Variants in C22orf23 observed in about 807,000 individuals in gnomAD.
The protein encoded by C22orf23 is UPF0193 protein EVG1.
In C22orf23, 30 loss-of-function variants were observed where a neutral mutation model predicts 29.7. The observed-to-expected ratio is 1.01, with a 90% CI of 0.76 to 1.37. The LOEUF is 1.37. Among genes scored for constraint, C22orf23 ranks in the 40% most tolerant of loss-of-function variants. The pLI, the probability that C22orf23 is intolerant of heterozygous loss-of-function variation, is 0.00. For synonymous variants in C22orf23, 90 were observed against 96.1 expected, an observed-to-expected ratio of 0.94 and a Z score of 0.37; for missense variants, 237 against 273.1, an observed-to-expected ratio of 0.87 and a Z score of 0.93.
At position 37,947,364 on chromosome 22, in the gene C22orf23, G is replaced by T. The variant is rs768389264; in HGVS notation, c.266C>A (p.Ala89Glu). 1 of 1,613,962 alleles carries T rather than the reference G, an allele frequency of 6.2e-7. No homozygotes were observed. The highest frequency in any genetic ancestry group is 1.3e-5 in the African/African-American group (1 of 74,964). The change falls in exon 4 of 7, where the codon GCA (alanine) becomes GAA (glutamate). Residue 89 changes from alanine (A) to glutamate (E), a missense_variant. Transcript: ENST00000403305. ...ASPIYLPPIL[A>E]ARPHLRPANM... ...GGCAGGCCGGAGGTGGGGACGGGCT[G>T]CGAGGATGGGAGGCAGGTAGATGGG...
chr22:37,943,342 G>A lies in C22orf23; in HGVS notation c.*833C>T, dbSNP rs953275903. 2 of 152,164 alleles carry A rather than the reference G, an allele frequency of 1.3e-5. No individual in the cohort carries two copies. Among genetic ancestry groups the A allele is most frequent in the Admixed American group, 6.6e-5 (1 of 15,258 alleles). 9.4% of individuals were successfully genotyped at this position (152,164 alleles called of 1,614,324 possible). On this transcript the variant is annotated 3_prime_UTR_variant, in exon 7 of 7. Transcript: ENST00000403305. ...AGAAAGGTCACGCGGCACATGCAGG[G>A]ATTGGAACTCCCAGGCCAGGGCTCT...
chr22:37,953,514 C>CT lies in C22orf23; in HGVS notation c.-77dup. ...GGGCTCCCGGAGGCGGTGACCACTG[C>CT]TTTACAGCCGCATCCGCACCGGTGC... On this transcript the variant is annotated 5_prime_UTR_variant, in exon 1 of 7. Coordinates refer to ENST00000403305, the MANE Select transcript of C22orf23 (RefSeq NM_032561.5). The CT allele has an allele frequency of 1.8e-6, 1 of 565,008 alleles. No individual in the cohort carries two copies. The allele number at this position is 565,008 out of a possible 1,614,324, so 35.0% of individuals were successfully genotyped here.
intron 3 of C22orf23, among the ~76,000 whole-genome samples, chr22:37,950,279 A>G (rs1159691778): frequency 6.6e-6 from 1 of 150,772 alleles, no homozygotes; most frequent in African/African-American, 2.4e-5. Flanking sequence ...TGCCCAGCTA[A>G]TTTTTGTATT....
intron 2 of C22orf23, chr22:37,952,621 A>G (rs1407383177): frequency 2.0e-5 from 3 of 152,630 alleles, no homozygotes; most frequent in Non-Finnish European, 4.4e-5. Context: ...GTAAAGGAAA[A>G]TAGTGCTAAG....
intron 4 of C22orf23, among the ~76,000 whole-genome samples, chr22:37,945,655 AT>A (rs1364254314): frequency 6.7e-6 from 1 of 149,962 alleles, no homozygotes; most frequent in East Asian, 2.0e-4. Context: ...TGCCCAGCTA[AT>A]TTTTGTATTT....
chr22:37,952,845 G>A (rs2145718789), intron 2 of C22orf23: 1 of 501,600 alleles, frequency 2.0e-6, no homozygotes, highest in Non-Finnish European at 3.6e-6. Context: ...TCTCATAGGA[G>A]CGCGAACCCT....
Position 37,944,016 on chromosome 22 carries a change from C to T in C22orf23, c.*159G>A. The T allele has an allele frequency of 1.4e-6, 1 of 693,510 alleles. No homozygotes were observed. The allele number at this position is 693,510 out of a possible 1,614,324, so 43.0% of individuals were successfully genotyped here. On this transcript the variant is annotated 3_prime_UTR_variant, in exon 7 of 7. Coordinates refer to ENST00000403305, the MANE Select transcript of C22orf23 (RefSeq NM_032561.5). ...TCTGCATTCCGGGGCAGGGGCTAGG[C>T]TGCTGAGTATGCCTTGGGGTACTGC...
Position 37,947,329 on chromosome 22 carries a change from G to C in C22orf23, c.301C>G (p.Gln101Glu). The C allele has an allele frequency of 1.2e-6, 2 of 1,613,924 alleles. No individual in the cohort carries two copies. Among genetic ancestry groups the C allele is most frequent in the Non-Finnish European group, 8.5e-7 (1 of 1,180,010 alleles). The change falls in exon 4 of 7, where the codon CAA becomes GAA. Residue 101 changes from glutamine to glutamate, a missense_variant. Gln to Glu is a conservative substitution (Grantham distance 29). Transcript: ENST00000403305. ...TCCCGGCTGTAGGCCCCATTGGCTTGACACATGTTGGCAGGCCGGAGGTGG... is the reference window on the plus strand; with the variant it reads ...TCCCGGCTGTAGGCCCCATTGGCTTCACACATGTTGGCAGGCCGGAGGTGG... ...RPHLRPANMC[Q>E]ANGAYSREQF...
At chr22:37,946,072 C>T (rs575102345) in intron 4 of C22orf23, among the ~76,000 whole-genome samples, 1 of 151,974 alleles carries the variant, frequency 6.6e-6, no homozygotes, top group South Asian at 2.1e-4. Context: ...TCCTGGCTAA[C>T]ACGGTGAGAC....
At chr22:37,945,854 C>T (rs1930669574) in intron 4 of C22orf23, among the ~76,000 whole-genome samples, 1 of 151,074 alleles carries the variant, frequency 6.6e-6, no homozygotes, top group South Asian at 2.1e-4. Context: ...TGGCTCACAC[C>T]TGTAATCCTA....
intron 2 of C22orf23, 71 bp downstream of exon 2, chr22:37,952,976 G>A (rs1484613919): frequency 1.8e-6 from 2 of 1,117,098 alleles, no homozygotes; most frequent in Non-Finnish European, 2.7e-6. Context: ...CTCCGTCAGT[G>A]GAAAAATTGT....
chr22:37,944,724 C>T (rs1348340889), intron 5 of C22orf23: 1 of 569,640 alleles, frequency 1.8e-6, no homozygotes, highest in Non-Finnish European at 3.1e-6. Context: ...CATGGTGAAA[C>T]CCCGTGTCTA....
chr22:37,948,375 A>G (rs1601850401), intron 3 of C22orf23, among the ~76,000 whole-genome samples: 1 of 151,704 alleles, frequency 6.6e-6, no homozygotes, highest in African/African-American at 2.4e-5. Context: ...ACTTGAACCC[A>G]GGAGGTGGAG....
chr22:37,944,191 CCCTT>C lies in C22orf23; in HGVS notation c.634_637del (p.Lys212ValfsTer47). 1 of 1,614,192 alleles carries C rather than the reference CCCTT, an allele frequency of 6.2e-7. No homozygotes were observed. The highest frequency in any genetic ancestry group is 8.5e-7 in the Non-Finnish European group (1 of 1,180,030). The stretch of plus-strand genomic sequence containing the variant: ...GGAGACAGATTAAGTGGTGGCAAGA[CCCTT>C]CCTAAGTTCCTCACTCCTTCTGTGG... On this transcript the variant is annotated frameshift_variant, in exon 7 of 7. Coordinates refer to ENST00000403305, the MANE Select transcript of C22orf23 (RefSeq NM_032561.5). LOFTEE classifies it high-confidence loss of function.
At chr22:37,949,661 G>A (rs1930903587) in intron 3 of C22orf23, among the ~76,000 whole-genome samples, 2 of 151,454 alleles carry the variant, frequency 1.3e-5, no homozygotes, top group African/African-American at 4.9e-5. Context: ...GTTTCACCAT[G>A]TTGGCCAGGG....
chr22:37,953,079 G>A lies in C22orf23; in HGVS notation c.71C>T (p.Thr24Ile), dbSNP rs1931165927. 2.5e-6 allele frequency: 4 copies of A among 1,614,048 alleles called. No homozygotes were observed. Among genetic ancestry groups the A allele is most frequent in the African/African-American group, 1.3e-5 (1 of 75,024 alleles). ...TGFRRRPKTITYTPGTCELLR... is the reference protein window; with the variant it reads ...TGFRRRPKTIIYTPGTCELLR... Reference sequence around the variant, plus strand: ...CAGCTCGCAGGTCCCCGGGGTGTAAGTGATGGTCTTGGGGCGGCGCCGGAA... The same window carrying A: ...CAGCTCGCAGGTCCCCGGGGTGTAAATGATGGTCTTGGGGCGGCGCCGGAA... The change falls in exon 2 of 7, where the codon ACT becomes ATT. Residue 24 changes from threonine (T) to isoleucine (I), a missense_variant. Coordinates refer to ENST00000403305, the MANE Select transcript of C22orf23 (RefSeq NM_032561.5).
At chr22:37,947,174 G>A (rs1007554127) in intron 4 of C22orf23, 107 bp downstream of exon 4, 4 of 1,187,436 alleles carry the variant, frequency 3.4e-6, no homozygotes, top group Non-Finnish European at 4.9e-6. Context: ...AAGTGCATGG[G>A]GATTTGATTA....
At position 37,945,042 on chromosome 22, in the gene C22orf23, G is replaced by T. The variant is rs1443045334; in HGVS notation, c.481C>A (p.Leu161Met). 1 of 1,602,280 alleles carries T rather than the reference G, an allele frequency of 6.2e-7. No individual in the cohort carries two copies. The highest frequency in any genetic ancestry group is 2.3e-5 in the East Asian group (1 of 44,228). The part of the protein sequence containing the change: ...PAPELDRFEE[L>M]VKEIQERKEF... ...CATGACTGGTCCGTCGGAGTCTTACGCTCTTCAAATCGGTCTAGCTCAGGG... is the reference window on the plus strand; with the variant it reads ...CATGACTGGTCCGTCGGAGTCTTACTCTCTTCAAATCGGTCTAGCTCAGGG... The change falls in exon 5 of 7, where the codon CTG becomes ATG. Residue 161 changes from leucine to methionine, a missense_variant and splice_region_variant. Transcript: ENST00000403305.
At chr22:37,946,572 C>G (rs1930714161) in intron 4 of C22orf23, among the ~76,000 whole-genome samples, 1 of 139,050 alleles carries the variant, frequency 7.2e-6, no homozygotes, top group South Asian at 2.3e-4. Flanking sequence ...GAGAGCGACA[C>G]TGTCTCAAAA....
Sources: gnomAD v4.1 joint callset for allele counts (sites outside exome capture counted in the v4.1 genomes callset) on GRCh38, gnomAD v4.1.1 for gene constraint, MANE v1.5 for transcripts, NCBI Gene and HGNC (gene_info 2026-07-23, HGNC 2026-07-21) for gene names.